Variants in KLF12 observed in about 807,000 individuals in gnomAD.
The protein encoded by KLF12 is Krueppel-like factor 12.
In KLF12, 9 loss-of-function variants were observed where a neutral mutation model predicts 37.8. The observed-to-expected ratio is 0.24, with a 90% CI of 0.14 to 0.42. The LOEUF (loss-of-function observed/expected upper bound fraction) is 0.42, where lower values mean the gene tolerates loss of function less well. Among genes scored for constraint, KLF12 ranks in the 10% least tolerant of loss-of-function variants. The pLI is 1.00. For synonymous variants in KLF12, 208 were observed against 202.1 expected, an observed-to-expected ratio of 1.03 and a Z score of -0.25; for missense variants, 411 against 516.0, an observed-to-expected ratio of 0.80 and a Z score of 1.97.
intron 5 of KLF12, among the ~76,000 whole-genome samples, chr13:73,780,835 A>G (rs1313418766): frequency 6.6e-6 from 1 of 152,268 alleles, no homozygotes; most frequent in Non-Finnish European, 1.5e-5. Context: ...TGCTGTTTAC[A>G]TTGCTGAAAT....
chr13:73,782,299 T>G (rs1190607498), intron 5 of KLF12, among the ~76,000 whole-genome samples: 1 of 152,210 alleles, frequency 6.6e-6, no homozygotes, highest in Non-Finnish European at 1.5e-5. Context: ...TTGTCCTTAC[T>G]TACTGGAGTC....
intron 7 of KLF12, among the ~76,000 whole-genome samples, chr13:73,706,969 CTA>C (rs1300485883): frequency 2.0e-5 from 3 of 152,300 alleles, no homozygotes; most frequent in Middle Eastern, 6.8e-3. Flanking sequence ...AAAGACCACT[CTA>C]TGTTAATTAA....
chr13:74,050,314 G>C (rs1483370459), intron 1 of KLF12, among the ~76,000 whole-genome samples: 1 of 152,130 alleles, frequency 6.6e-6, no homozygotes, highest in African/African-American at 2.4e-5. Context: ...TTGTATAAAT[G>C]TTAAGATATT....
chr13:74,229,685 A>AT, the KLF12 span, among the ~76,000 whole-genome samples: 4 of 152,072 alleles, frequency 2.6e-5, no homozygotes, highest in Non-Finnish European at 5.9e-5. Context: ...GTTCCTTTCC[A>AT]TTTTTTCATA....
chr13:74,091,625 T>C (rs1202376039), intron 1 of KLF12, among the ~76,000 whole-genome samples: 1 of 152,118 alleles, frequency 6.6e-6, no homozygotes, highest in Non-Finnish European at 1.5e-5. Flanking sequence ...ATTATGACTA[T>C]AAATGTAAAA....
chr13:74,190,669 T>TTTGAATAATTTGAATA, the KLF12 span, among the ~76,000 whole-genome samples: 3 of 152,244 alleles, frequency 2.0e-5, no homozygotes, highest in Non-Finnish European at 4.4e-5. Context: ...AAATAATAAT[T>TTTGAATAATTTGAATA]ATAATAGCTA....
At chr13:74,060,496 G>GTGTGTGTGTGTGTGTGTC (rs1555336657) in intron 1 of KLF12, among the ~76,000 whole-genome samples, 14 of 142,048 alleles carry the variant, frequency 9.9e-5, no homozygotes, top group East Asian at 4.0e-4. Context: ...GTGTGTGTGT[G>GTGTGTGTGTGTGTGTGTC]TGTGTGTGTG....
At chr13:73,725,249 C>T (rs1486534941) in intron 6 of KLF12, among the ~76,000 whole-genome samples, 2 of 151,984 alleles carry the variant, frequency 1.3e-5, no homozygotes, top group African/African-American at 4.8e-5. Context: ...TACAGGCGCC[C>T]GCCACCACAC....
At chr13:73,999,643 G>A (rs1327325394) in intron 1 of KLF12, among the ~76,000 whole-genome samples, 1 of 152,100 alleles carries the variant, frequency 6.6e-6, no homozygotes, top group Admixed American at 6.5e-5. Context: ...TGGAGGCTGA[G>A]GCAGGAGAAT....
At chr13:73,697,092 C>CACACAA (rs1247672190) in intron 7 of KLF12, among the ~76,000 whole-genome samples, 1 of 151,580 alleles carries the variant, frequency 6.6e-6, no homozygotes. Context: ...AACTGCAACA[C>CACACAA]ACACACACAC....
chr13:74,128,927 T>C (rs913882055), intron 1 of KLF12, among the ~76,000 whole-genome samples: 1 of 152,124 alleles, frequency 6.6e-6, no homozygotes, highest in Non-Finnish European at 1.5e-5. Flanking sequence ...GGGTGGGTTA[T>C]GTACTAATAT....
At chr13:73,946,201 G>A (rs1410328519) in intron 2 of KLF12, among the ~76,000 whole-genome samples, 1 of 152,160 alleles carries the variant, frequency 6.6e-6, no homozygotes, top group Non-Finnish European at 1.5e-5. Flanking sequence ...AGATGAGAAG[G>A]CAAGAAGATG....
the KLF12 span, among the ~76,000 whole-genome samples, chr13:74,149,025 G>A: frequency 3.9e-5 from 6 of 152,100 alleles, no homozygotes; most frequent in African/African-American, 9.7e-5. Context: ...ATGTTGGCCA[G>A]GCTTGTCTTG....
At chr13:73,863,512 A>C (rs1041159761) in intron 3 of KLF12, among the ~76,000 whole-genome samples, 9 of 152,184 alleles carry the variant, frequency 5.9e-5, no homozygotes, top group African/African-American at 2.2e-4. Context: ...ACTGCTTGAC[A>C]CAAAATAGTT....
chr13:74,085,826 G>A (rs1330715697), intron 1 of KLF12, among the ~76,000 whole-genome samples: 1 of 152,158 alleles, frequency 6.6e-6, no homozygotes, highest in Non-Finnish European at 1.5e-5. Context: ...ACAACTGTCT[G>A]TGGAGCAAAT....
At chr13:73,719,753 C>T (rs111281325) in intron 6 of KLF12, among the ~76,000 whole-genome samples, 22 of 152,058 alleles carry the variant, frequency 1.4e-4, no homozygotes, top group African/African-American at 4.8e-4. Context: ...AGGTACATGC[C>T]ACCATGCCTG....
the KLF12 span, among the ~76,000 whole-genome samples, chr13:74,152,452 C>T: frequency 6.6e-6 from 1 of 152,138 alleles, no homozygotes; most frequent in Non-Finnish European, 1.5e-5. Flanking sequence ...TATTACTTCC[C>T]TAAGAACCAA....
intron 6 of KLF12, among the ~76,000 whole-genome samples, chr13:73,750,757 A>G (rs1310825151): frequency 1.3e-5 from 2 of 152,116 alleles, no homozygotes; most frequent in South Asian, 2.1e-4. Context: ...CCCAGAATGC[A>G]TTAGCTATTT....
At chr13:73,943,877 A>T in intron 3 of KLF12, 104 bp downstream of exon 3, 1 of 720,396 alleles carries the variant, frequency 1.4e-6, no homozygotes, top group Non-Finnish European at 2.4e-6. Flanking sequence ...AGAAAAGCTT[A>T]AGCAAGGGAA....
Sources: gnomAD v4.1 joint callset for allele counts (sites outside exome capture counted in the v4.1 genomes callset) on GRCh38, gnomAD v4.1.1 for gene constraint, MANE v1.5 for transcripts, NCBI Gene and HGNC (gene_info 2026-07-23, HGNC 2026-07-21) for gene names.